LGALS9B: variants seen among roughly 807,000 people sequenced by gnomAD.
The protein encoded by LGALS9B is galectin-9B.
A neutral mutation model predicts 35.9 loss-of-function variants in LGALS9B; 8 were observed. The ratio of observed to expected loss-of-function variants is 0.22; its 90% CI spans 0.13 to 0.40. LGALS9B has a LOEUF of 0.40. LGALS9B is among the 10% of genes least tolerant of loss of function. The pLI is 1.00. For synonymous variants in LGALS9B, 42 were observed against 148.6 expected, an observed-to-expected ratio of 0.28 and a Z score of 5.22; for missense variants, 101 against 397.9, an observed-to-expected ratio of 0.25 and a Z score of 6.35.
chr17:20,465,723 A>G (rs1489302973), intron 1 of LGALS9B, among the ~76,000 whole-genome samples: 1 of 122,344 alleles, frequency 8.2e-6, no homozygotes, highest in African/African-American at 3.2e-5. Flanking sequence ...GAGGCCAGAC[A>G]AGAAGTGGGA....
chr17:20,455,719 C>T (rs1232573002), intron 4 of LGALS9B, among the ~76,000 whole-genome samples: 1 of 151,238 alleles, frequency 6.6e-6, no homozygotes, highest in East Asian at 1.9e-4. Flanking sequence ...TCTCAGGGAG[C>T]TCCCTCGAAT....
chr17:20,460,407 G>A lies in LGALS9B; in HGVS notation c.76C>T (p.Gln26Ter), dbSNP rs2042718597. ...TTGACAGTGATCTGAAATCCGTCCT[G>A]GAGACCCCCTTGGATAGTCCCAGAA... Reference protein sequence around the residue: ...PFSGTIQGGLQDGFQITVNGA... With the variant: ...PFSGTIQGGL The change falls in exon 2 of 11, where the codon CAG (glutamine) becomes TAG (stop). Residue 26 changes from glutamine to a stop codon, truncating the protein, a stop_gained. Coordinates refer to ENST00000423676, the MANE Select transcript of LGALS9B (RefSeq NM_001367292.2). LOFTEE classifies it high-confidence loss of function. 3 of 1,603,862 alleles carry A rather than the reference G, an allele frequency of 1.9e-6. No individual in the cohort carries two copies. The highest frequency in any genetic ancestry group is 1.7e-5 in the Admixed American group (1 of 59,690).
Position 20,460,372 on chromosome 17 carries a change from A to C in LGALS9B, c.111T>G (p.Val37=). The change falls in exon 2 of 11, where the codon GTT becomes GTG. Residue 37 remains valine (V), a synonymous_variant. Transcript: ENST00000423676. ...DGFQITVNGA[V]LSSSGTRFAV... is the part of the protein sequence containing the mutation. ...CACACCTGGTTCCACTGGAGCTGAG[A>C]ACGGCCCCATTGACAGTGATCTGAA... The C allele has an allele frequency of 6.2e-7, 1 of 1,601,166 alleles. No homozygotes were observed. Among genetic ancestry groups the C allele is most frequent in the Non-Finnish European group, 8.5e-7 (1 of 1,170,636 alleles).
At chr17:20,455,454 A>T in intron 4 of LGALS9B, 56 bp from the exon 5 acceptor site, 1 of 1,213,158 alleles carries the variant, frequency 8.2e-7, no homozygotes, top group Non-Finnish European at 1.2e-6. Flanking sequence ...AGCCAAGGAG[A>T]AGCCGAAAGG....
At chr17:20,456,150 G>C in intron 4 of LGALS9B, among the ~76,000 whole-genome samples, 1 of 152,154 alleles carries the variant, frequency 6.6e-6, no homozygotes, top group Non-Finnish European at 1.5e-5. Flanking sequence ...TGGGGGCCAG[G>C]CAATGACCAT....
chr17:20,461,507 G>A (rs1173696855), intron 1 of LGALS9B, among the ~76,000 whole-genome samples: 3 of 149,586 alleles, frequency 2.0e-5, no homozygotes, highest in African/African-American at 4.9e-5. Context: ...CTGCATTAAA[G>A]CACAGTTCTA....
In LGALS9B at chr17:20,456,556, C is replaced by T. The variant is rs1400720047; in HGVS notation, c.444+5G>A. ...CTGGGACCGGTGCCAGGTGGACAGT[C>T]TGACCTGGAAGCTGATGTAGGACAG... On this transcript the variant is annotated splice_donor_5th_base_variant and intron_variant, in intron 4 of 10. Coordinates refer to ENST00000423676, the MANE Select transcript of LGALS9B (RefSeq NM_001367292.2). 2 of 758,638 alleles carry T rather than the reference C, an allele frequency of 2.6e-6. 1 individual carries two copies. The highest frequency in any genetic ancestry group is 3.5e-6 in the Non-Finnish European group (2 of 578,372). The allele number at this position is 758,638 out of a possible 1,614,324, so 47.0% of individuals were successfully genotyped here. A position where few individuals can be genotyped will look rare whatever the true frequency, so the allele number is the denominator to read the frequency against.
intron 4 of LGALS9B, among the ~76,000 whole-genome samples, chr17:20,456,179 G>A (rs149219455): frequency 6.6e-6 from 1 of 152,088 alleles, no homozygotes; most frequent in African/African-American, 2.4e-5. Flanking sequence ...TACAGATGAC[G>A]AAACTGAGGC....
At chr17:20,457,828 T>C (rs2142417804) in intron 3 of LGALS9B, among the ~76,000 whole-genome samples, 1 of 152,038 alleles carries the variant, frequency 6.6e-6, no homozygotes, top group Non-Finnish European at 1.5e-5. Context: ...TGGAACAATG[T>C]CGCTGAAAAA....
In LGALS9B at chr17:20,464,098, T is replaced by G. The variant is rs1246546842; in HGVS notation, c.39+3334A>C. Among the ~76,000 whole-genome samples, 74 of 116,266 alleles carry G rather than the reference T, an allele frequency of 6.4e-4. 1 individual carries two copies. The highest frequency in any genetic ancestry group is 1.1e-3 in the African/African-American group (30 of 27,208). 76.3% of individuals were successfully genotyped at this position (116,266 alleles called of 152,430 possible). ...TTTGTTTGTTTGTTTGTTGTGTTTT[T>G]TTTTTTTTTTTTTTTTTGAGACAGG... is the stretch of plus-strand genomic sequence containing the variant. On this transcript the variant is annotated intron_variant, in intron 1 of 10. Coordinates refer to ENST00000423676, the MANE Select transcript of LGALS9B (RefSeq NM_001367292.2).
At chr17:20,462,739 AG>A (rs534402684) in intron 1 of LGALS9B, among the ~76,000 whole-genome samples, 1,588 of 149,598 alleles carry the variant, frequency 0.011, 15 homozygotes, top group Non-Finnish European at 0.016. Context: ...TGGGGGAAGG[AG>A]AGTCAGCCTG....
intron 1 of LGALS9B, among the ~76,000 whole-genome samples, chr17:20,464,959 G>C (rs1160747810): frequency 1.3e-5 from 2 of 152,102 alleles, no homozygotes; most frequent in Non-Finnish European, 2.9e-5. Context: ...GACGGGGTGC[G>C]ATGCCATGTG....
Position 20,456,227 on chromosome 17 carries a change from T to A in LGALS9B, c.444+334A>T, listed in dbSNP as rs566065857. Among the ~76,000 whole-genome samples, 321 of 151,292 alleles carry A rather than the reference T, an allele frequency of 2.1e-3. 1 individual carries two copies. Among genetic ancestry groups the A allele is most frequent in the Admixed American group, 3.8e-3 (58 of 15,172 alleles). ...AGTTGCTTGTCTAAGATCCCACAGATGACGAATGGCAGAGCTGGGAATTTG... is the reference window on the plus strand; with the variant it reads ...AGTTGCTTGTCTAAGATCCCACAGAAGACGAATGGCAGAGCTGGGAATTTG... On this transcript the variant is annotated intron_variant, in intron 4 of 10. Coordinates refer to ENST00000423676, the MANE Select transcript of LGALS9B (RefSeq NM_001367292.2).
Position 20,455,391 on chromosome 17 carries a change from C to T in LGALS9B, c.452G>A (p.Arg151His), listed in dbSNP as rs748869629. ...QLSYISFQNP[R>H]TVPVQPAFST... ...GAAGGCAGGCTGAACGGGGACTGTG[C>T]GGGGATTCTGTTAAAACAAAAGGCA... The change falls in exon 5 of 11, where the codon CGC (arginine) becomes CAC (histidine). Residue 151 changes from arginine (R) to histidine (H), a missense_variant. Transcript: ENST00000423676. The T allele has an allele frequency of 1.0e-5, 14 of 1,356,390 alleles. 1 individual carries two copies. The East Asian group carries it at 1.8e-4, about 18-fold the overall frequency. 84.0% of individuals were successfully genotyped at this position (1,356,390 alleles called of 1,614,324 possible). A position where few individuals can be genotyped will look rare whatever the true frequency, so the allele number is the denominator to read the frequency against.
At chr17:20,467,118 A>G (rs538032906) in intron 1 of LGALS9B, among the ~76,000 whole-genome samples, 24 of 143,590 alleles carry the variant, frequency 1.7e-4, no homozygotes, top group African/African-American at 5.6e-4. Flanking sequence ...ACTGTCCCAG[A>G]AGCATGCTTG....
chr17:20,465,931 G>A (rs1263169163), intron 1 of LGALS9B, among the ~76,000 whole-genome samples: 2 of 149,926 alleles, frequency 1.3e-5, no homozygotes, highest in Non-Finnish European at 3.0e-5. Context: ...TGTGGGGGCT[G>A]CACTGATCGT....
Position 20,449,510 on chromosome 17 carries a change from C to G in LGALS9B, c.*463G>C, listed in dbSNP as rs913611560. The G allele has an allele frequency of 5.1e-6, 1 of 195,646 alleles. No individual in the cohort carries two copies. The highest frequency in any genetic ancestry group is 5.4e-5 in the Admixed American group (1 of 18,644). 12.1% of individuals were successfully genotyped at this position (195,646 alleles called of 1,614,324 possible). ...GGAGGCCAGTGGGAAGCCATCAGACCTGCTTTCCAGGAGGGGTGAAGGGTT... is the reference window on the plus strand; with the variant it reads ...GGAGGCCAGTGGGAAGCCATCAGACGTGCTTTCCAGGAGGGGTGAAGGGTT... On this transcript the variant is annotated 3_prime_UTR_variant, in exon 11 of 11. Transcript: ENST00000423676.
At chr17:20,466,136 G>A (rs564708464) in intron 1 of LGALS9B, among the ~76,000 whole-genome samples, 1 of 152,132 alleles carries the variant, frequency 6.6e-6, no homozygotes, top group East Asian at 1.9e-4. Context: ...TGCTCAAGGT[G>A]GCATACGCTG....
rs150065069 is a variant in LGALS9B at position 20,466,140 on chromosome 17, T to C, written c.39+1292A>G. Among the ~76,000 whole-genome samples, 509 of 152,042 alleles carry C rather than the reference T, an allele frequency of 3.3e-3. 8 individuals are homozygous for C. Among genetic ancestry groups the C allele is most frequent in the African/African-American group, 0.011 (456 of 41,326 alleles). The stretch of plus-strand genomic sequence containing the variant: ...ACGGGGTGACATGCTCAAGGTGGCA[T>C]ACGCTGACTCTAAGGCTCGCCCAAC... On this transcript the variant is annotated intron_variant, in intron 1 of 10. Transcript: ENST00000423676.
Sources: allele counts gnomAD v4.1 joint callset (sites outside exome capture counted in the v4.1 genomes callset), GRCh38; gene constraint gnomAD v4.1.1; transcripts MANE v1.5; gene names NCBI Gene and HGNC (gene_info 2026-07-23, HGNC 2026-07-21).